Variants in ATG10 observed in about 807,000 individuals in gnomAD.
ATG10 encodes the protein autophagy related 10, also known as ubiquitin-like-conjugating enzyme ATG10.
A neutral mutation model predicts 32.1 loss-of-function variants in ATG10; 30 were observed. The observed-to-expected ratio is 0.94, with a 90% confidence interval of 0.70 to 1.27. ATG10 has a LOEUF of 1.27. ATG10 is among the 50% of genes most tolerant of loss of function. The pLI is 0.00. For synonymous variants in ATG10, 87 were observed against 91.5 expected (o/e 0.95, Z 0.28); for missense variants, 233 against 262.3 (o/e 0.89, Z 0.77).
At chr5:82,104,058 A>G (rs1765371542) in intron 3 of ATG10, among the ~76,000 whole-genome samples, 2 of 152,082 alleles carry the variant, frequency 1.3e-5, no homozygotes, top group African/African-American at 4.8e-5. Flanking sequence ...CCACTGTTCA[A>G]ATATACCATG....
chr5:82,104,269 G>A (rs1161602558), intron 3 of ATG10, among the ~76,000 whole-genome samples: 3 of 151,884 alleles, frequency 2.0e-5, no homozygotes, highest in African/African-American at 4.8e-5. Flanking sequence ...CTGCCCAACC[G>A]TTTTCTAAGG....
intron 2 of ATG10, among the ~76,000 whole-genome samples, chr5:82,002,678 A>G (rs1761882665): frequency 6.6e-6 from 1 of 152,172 alleles, no homozygotes; most frequent in Admixed American, 6.5e-5. Flanking sequence ...GGATCCGGAA[A>G]CCACTCATTG....
At chr5:82,034,867 A>G (rs1398121710) in intron 2 of ATG10, among the ~76,000 whole-genome samples, 5 of 152,044 alleles carry the variant, frequency 3.3e-5, no homozygotes, top group Non-Finnish European at 7.4e-5. Context: ...TCTCAACACT[A>G]TCATTTTTAA....
intron 2 of ATG10, among the ~76,000 whole-genome samples, chr5:82,045,865 T>C (rs71636294): frequency 0.023 from 3,440 of 152,036 alleles, 68 homozygotes; most frequent in Non-Finnish European, 0.038. Context: ...AAGTGAATAT[T>C]GAATATTCTT....
chr5:82,158,673 G>A (rs1258687373), intron 3 of ATG10, among the ~76,000 whole-genome samples: 1 of 151,950 alleles, frequency 6.6e-6, no homozygotes, highest in Non-Finnish European at 1.5e-5. Flanking sequence ...AATCCCCCGT[G>A]TATACCTAGG....
intron 2 of ATG10, among the ~76,000 whole-genome samples, chr5:82,013,835 C>T (rs2149697773): frequency 6.6e-6 from 1 of 152,134 alleles, no homozygotes; most frequent in Non-Finnish European, 1.5e-5. Context: ...GTCCTTAGCC[C>T]ACTTTTTGAT....
intron 3 of ATG10, among the ~76,000 whole-genome samples, chr5:82,063,494 A>AT (rs143081537): frequency 0.038 from 5,468 of 143,650 alleles, 111 homozygotes; most frequent in Middle Eastern, 0.058. Context: ...ACTGCTAACA[A>AT]TTTTTTTTTT....
Position 82,157,090 on chromosome 5 carries a change from C to T in ATG10, c.217-7309C>T, listed in dbSNP as rs138945356. On this transcript the variant is annotated intron_variant, in intron 3 of 7. Coordinates refer to ENST00000282185, the MANE Select transcript of ATG10 (RefSeq NM_031482.5). ...TTTCTGCATCCCCTCCCTCCTGCCTCGCCCTTGAGCATGCCTGCCTGGAGA... is the reference window on the plus strand; with the variant it reads ...TTTCTGCATCCCCTCCCTCCTGCCTTGCCCTTGAGCATGCCTGCCTGGAGA... 5.2e-3 allele frequency among the ~76,000 whole-genome samples: 796 copies of T among 152,256 alleles called. 5 individuals are homozygous for T. Among genetic ancestry groups the T allele is most frequent in the African/African-American group, 0.015 (636 of 41,540 alleles).
At chr5:82,185,903 C>A (rs1274836230) in intron 5 of ATG10, among the ~76,000 whole-genome samples, 1 of 152,102 alleles carries the variant, frequency 6.6e-6, no homozygotes, top group Non-Finnish European at 1.5e-5. Flanking sequence ...ACACAACATC[C>A]GATAACTGAC....
At chr5:82,150,447 T>C (rs1767547721) in intron 3 of ATG10, among the ~76,000 whole-genome samples, 1 of 152,222 alleles carries the variant, frequency 6.6e-6, no homozygotes, top group South Asian at 2.1e-4. Flanking sequence ...AATACATTAA[T>C]TCAGTATTAC....
intron 3 of ATG10, among the ~76,000 whole-genome samples, chr5:82,142,249 A>G (rs889311063): frequency 2.0e-5 from 3 of 152,254 alleles, no homozygotes; most frequent in Admixed American, 6.5e-5. Context: ...ATAAATAATG[A>G]AAATACAATA....
At chr5:82,015,752 C>G (rs1321036244) in intron 2 of ATG10, among the ~76,000 whole-genome samples, 1 of 152,150 alleles carries the variant, frequency 6.6e-6, no homozygotes, top group Non-Finnish European at 1.5e-5. Context: ...AGGTTTTTAG[C>G]TTCTTTGTGA....
At chr5:82,200,190 T>C (rs943139735) in intron 5 of ATG10, among the ~76,000 whole-genome samples, 16 of 152,156 alleles carry the variant, frequency 1.1e-4, no homozygotes, top group African/African-American at 3.6e-4. Context: ...AATTTTTTTT[T>C]AATGCCAGAC....
At chr5:82,073,270 A>G (rs10078736) in intron 3 of ATG10, 52,871 of 152,060 alleles carry the variant, frequency 0.35, 10,498 homozygotes, top group East Asian at 0.76. Flanking sequence ...ACCCTGCGCT[A>G]TTTTGTTTTT....
chr5:82,016,932 C>T (rs988162295), intron 2 of ATG10, among the ~76,000 whole-genome samples: 12 of 152,158 alleles, frequency 7.9e-5, no homozygotes, highest in East Asian at 1.9e-4. Context: ...CCTCGTGATC[C>T]GCGCACCTTA....
rs1320679659 is a variant in ATG10, at chr5:82,254,985, T to G, written c.*922T>G. On this transcript the variant is annotated 3_prime_UTR_variant, in exon 8 of 8. Coordinates refer to ENST00000282185, the MANE Select transcript of ATG10 (RefSeq NM_031482.5). ...AAAAACACAATATTTTACTGTGAGA[T>G]AATATGTTTTACCAGCAAAGTGTGG... 6.6e-6 allele frequency: 1 copy of G among 151,828 alleles called. No homozygotes were observed. The highest frequency in any genetic ancestry group is 1.5e-5 in the Non-Finnish European group (1 of 67,964). 9.4% of individuals were successfully genotyped at this position (151,828 alleles called of 1,614,324 possible). A position where few individuals can be genotyped will look rare whatever the true frequency, so the allele number is the denominator to read the frequency against.
intron 3 of ATG10, among the ~76,000 whole-genome samples, chr5:82,077,847 T>A (rs528839629): frequency 6.6e-6 from 1 of 152,322 alleles, no homozygotes; most frequent in African/African-American, 2.4e-5. Flanking sequence ...TCTTTATACT[T>A]CATAGATTTT....
At chr5:82,044,849 C>T (rs1352905633) in intron 2 of ATG10, among the ~76,000 whole-genome samples, 1 of 152,290 alleles carries the variant, frequency 6.6e-6, no homozygotes, top group Non-Finnish European at 1.5e-5. Context: ...AGTTTCTTCA[C>T]GTCCATGTGC....
intron 3 of ATG10, among the ~76,000 whole-genome samples, chr5:82,144,143 T>C (rs531860224): frequency 6.6e-6 from 1 of 152,260 alleles, no homozygotes; most frequent in South Asian, 2.1e-4. Flanking sequence ...CTTATTATCC[T>C]TTTAGTGTTT....
Sources: gnomAD v4.1 joint callset for allele counts (sites outside exome capture counted in the v4.1 genomes callset) on GRCh38, gnomAD v4.1.1 for gene constraint, MANE v1.5 for transcripts, NCBI Gene and HGNC (gene_info 2026-07-23, HGNC 2026-07-21) for gene names.